Variants in TAF2 observed in about 807,000 individuals in gnomAD.
TAF2 encodes transcription initiation factor TFIID subunit 2.
In TAF2, 61 loss-of-function variants were observed where a neutral mutation model predicts 138.5. That is an observed-to-expected ratio of 0.44 (90% confidence interval 0.36 to 0.54). The LOEUF is 0.54. TAF2 is among the 20% of genes least tolerant of loss of function. The pLI is 0.00. For synonymous variants in TAF2, 475 were observed against 469.9 expected, an observed-to-expected ratio of 1.01 and a Z score of -0.14; for missense variants, 1,090 against 1,427.9, an observed-to-expected ratio of 0.76 and a Z score of 3.81.
At chr8:119,778,474 T>A (rs1489380539) in intron 17 of TAF2, among the ~76,000 whole-genome samples, 1 of 152,240 alleles carries the variant, frequency 6.6e-6, no homozygotes, top group Non-Finnish European at 1.5e-5. Flanking sequence ...TAGAATTACT[T>A]CTGTGTGATA....
chr8:119,742,305 TTC>T (rs1213967098), intron 25 of TAF2, among the ~76,000 whole-genome samples: 2 of 151,104 alleles, frequency 1.3e-5, no homozygotes. Context: ...TCACCTAATT[TTC>T]TTTTATTTCC....
At chr8:119,819,272 A>G (rs1192125031) in intron 3 of TAF2, 74 bp downstream of exon 3, 14 of 1,504,534 alleles carry the variant, frequency 9.3e-6, no homozygotes, top group Non-Finnish European at 1.3e-5. Flanking sequence ...ATACTTTGAG[A>G]AAAACTAATC....
chr8:119,731,915 G>C lies in TAF2; in HGVS notation c.*9C>G, dbSNP rs1421974101. The C allele has an allele frequency of 6.2e-7, 1 of 1,612,460 alleles. No individual in the cohort carries two copies. Among genetic ancestry groups the C allele is most frequent in the East Asian group, 2.2e-5 (1 of 44,870 alleles). ...TGGACATGAAAGGAAAGGTCTTTTTGTCCCCTTCTCAGTCTGAAAGGGAAG... is the reference window on the plus strand; with the variant it reads ...TGGACATGAAAGGAAAGGTCTTTTTCTCCCCTTCTCAGTCTGAAAGGGAAG... On this transcript the variant is annotated 3_prime_UTR_variant, in exon 26 of 26. Transcript: ENST00000378164.
At chr8:119,831,192 T>TGTCG (rs1487729319) in intron 2 of TAF2, among the ~76,000 whole-genome samples, 1 of 152,170 alleles carries the variant, frequency 6.6e-6, no homozygotes, top group Non-Finnish European at 1.5e-5. Context: ...ATCTAAATTG[T>TGTCG]GTCGGGAGGC....
chr8:119,745,259 T>C (rs1020785948), intron 23 of TAF2, among the ~76,000 whole-genome samples: 1 of 152,144 alleles, frequency 6.6e-6, no homozygotes, highest in Non-Finnish European at 1.5e-5. Context: ...CAAAAGAACA[T>C]GTCCTTTGAT....
At chr8:119,789,012 A>G (rs1169193073) in intron 12 of TAF2, 108 bp from the exon 13 acceptor site, 1 of 770,984 alleles carries the variant, frequency 1.3e-6, no homozygotes, top group Non-Finnish European at 2.3e-6. Flanking sequence ...CACCAGTTCA[A>G]AGTTTGAGAG....
chr8:119,750,869 G>A lies in TAF2; in HGVS notation c.2879-3935C>T, dbSNP rs527830998. 2.6e-5 allele frequency among the ~76,000 whole-genome samples: 4 copies of A among 152,182 alleles called. No individual in the cohort carries two copies. In the South Asian group the frequency reaches 8.3e-4, roughly 32 times the overall value. ...GTAAATAAACAGCATTCAATGACTT[G>A]AACAATTAATATTTTTATGTCATTC... On this transcript the variant is annotated intron_variant, in intron 22 of 25. Transcript: ENST00000378164.
rs115397149 is a variant in TAF2 at position 119,809,654 on chromosome 8, T to C, written c.300-3253A>G. Among the ~76,000 whole-genome samples the C allele has an allele frequency of 9.0e-3, 1,377 of 152,238 alleles. 20 individuals are homozygous for C. The highest frequency in any genetic ancestry group is 0.032 in the African/African-American group (1,313 of 41,536). On this transcript the variant is annotated intron_variant, in intron 3 of 25. Coordinates refer to ENST00000378164, the MANE Select transcript of TAF2 (RefSeq NM_003184.4). ...CAGAGGCCATTGTAGGGTTATTAAT[T>C]GACCTAATTTCAATATTGTGTGTCT...
At chr8:119,767,008 T>C (rs1183007770) in intron 18 of TAF2, 1 of 152,198 alleles carries the variant, frequency 6.6e-6, no homozygotes, top group East Asian at 1.9e-4. Flanking sequence ...CACACCTGCA[T>C]ATATCTTCTG....
At chr8:119,770,171 T>A (rs1209239326) in intron 18 of TAF2, among the ~76,000 whole-genome samples, 1 of 151,452 alleles carries the variant, frequency 6.6e-6, no homozygotes, top group African/African-American at 2.4e-5. Context: ...GTAGGAAGTT[T>A]AGAAAGCATA....
At chr8:119,747,608 A>G (rs1177431761) in intron 22 of TAF2, among the ~76,000 whole-genome samples, 1 of 152,164 alleles carries the variant, frequency 6.6e-6, no homozygotes, top group Non-Finnish European at 1.5e-5. Flanking sequence ...CGTACCCCAC[A>G]GCAATGACAG....
chr8:119,781,123 C>T lies in TAF2; in HGVS notation c.2183G>A (p.Cys728Tyr). ...CACAATGTTTGGACAACTTTTACAACAAAACATCCTAGTGAAGAGTGACTT... is the reference window on the plus strand; with the variant it reads ...CACAATGTTTGGACAACTTTTACAATAAAACATCCTAGTGAAGAGTGACTT... Reference protein sequence around the residue: ...AMKSLFTRMFCCKSCPNIVKT... With the variant: ...AMKSLFTRMFYCKSCPNIVKT... Residue 728 changes from cysteine (C) to tyrosine (Y), a missense_variant, in exon 17 of 26, where the codon TGT (cysteine) becomes TAT (tyrosine). Transcript: ENST00000378164. The T allele has an allele frequency of 1.2e-6, 2 of 1,614,050 alleles. No individual in the cohort carries two copies. Among genetic ancestry groups the T allele is most frequent in the East Asian group, 2.2e-5 (1 of 44,864 alleles).
intron 2 of TAF2, among the ~76,000 whole-genome samples, chr8:119,831,069 T>C (rs963177912): frequency 3.3e-5 from 5 of 152,130 alleles, no homozygotes; most frequent in African/African-American, 1.2e-4. Context: ...ATCACAGCAC[T>C]GCACTCCAGC....
At chr8:119,796,159 C>T (rs1414864631) in intron 8 of TAF2, among the ~76,000 whole-genome samples, 1 of 151,688 alleles carries the variant, frequency 6.6e-6, no homozygotes, top group Non-Finnish European at 1.5e-5. Context: ...TCCATCTATC[C>T]ATCTACCCAC....
intron 25 of TAF2, among the ~76,000 whole-genome samples, chr8:119,738,917 T>C (rs1183499183): frequency 1.3e-5 from 2 of 151,988 alleles, no homozygotes; most frequent in Non-Finnish European, 2.9e-5. Context: ...TAGAATTATA[T>C]CATTATAATT....
At chr8:119,788,664 G>T in intron 13 of TAF2, 126 bp downstream of exon 13, 1 of 826,058 alleles carries the variant, frequency 1.2e-6, no homozygotes, top group Non-Finnish European at 2.0e-6. Flanking sequence ...CAAAGTCAAT[G>T]TTTTCTCAAT....
chr8:119,736,357 A>T (rs1222333256), intron 25 of TAF2, among the ~76,000 whole-genome samples: 1 of 152,256 alleles, frequency 6.6e-6, no homozygotes, highest in East Asian at 1.9e-4. Context: ...CAAATGGCTA[A>T]TTCCAGGTCT....
intron 21 of TAF2, among the ~76,000 whole-genome samples, chr8:119,757,090 G>C (rs948179982): frequency 6.6e-6 from 1 of 152,120 alleles, no homozygotes; most frequent in East Asian, 1.9e-4. Flanking sequence ...CATTAAATTG[G>C]ATTTGTAATT....
intron 9 of TAF2, 80 bp from the exon 10 acceptor site, chr8:119,793,531 G>T: frequency 1.0e-6 from 1 of 969,370 alleles, no homozygotes; most frequent in Non-Finnish European, 1.6e-6. Flanking sequence ...GAATTAAACT[G>T]TGAATTCTCA....
Sources: gnomAD v4.1 joint callset for allele counts (sites outside exome capture counted in the v4.1 genomes callset) on GRCh38, gnomAD v4.1.1 for gene constraint, MANE v1.5 for transcripts, NCBI Gene and HGNC (gene_info 2026-07-23, HGNC 2026-07-21) for gene names.